The following RBFOX1 variants were observed in gnomAD, a reference collection of about 807,000 sequenced individuals.
The protein encoded by RBFOX1 is RNA binding protein fox-1 homolog 1.
A neutral mutation model predicts 57.7 loss-of-function variants in RBFOX1; 8 were observed. The ratio of observed to expected loss-of-function variants is 0.14; its 90% CI spans 0.08 to 0.25. RBFOX1 has a LOEUF of 0.25. Among genes scored for constraint, RBFOX1 ranks in the 10% least tolerant of loss-of-function variants. The pLI is 1.00. For synonymous variants in RBFOX1, 326 were observed against 222.4 expected (o/e 1.47, Z -4.15); for missense variants, 611 against 548.5 (o/e 1.11, Z -1.14).
In RBFOX1 at chr16:7,498,366, G is replaced by A. The variant is rs184627285; in HGVS notation, c.28-19781G>A. Among the ~76,000 whole-genome samples the A allele has an allele frequency of 2.6e-4, 40 of 152,126 alleles. 1 individual carries two copies. Among genetic ancestry groups the A allele is most frequent in the Non-Finnish European group, 1.5e-5 (1 of 68,008 alleles). ...TACATGGGTCTCACTCAGCCTCTATGACACCTGAACCAATGAGTATAGCTA... is the reference window on the plus strand; with the variant it reads ...TACATGGGTCTCACTCAGCCTCTATAACACCTGAACCAATGAGTATAGCTA... On this transcript the variant is annotated intron_variant, in intron 4 of 15. Transcript: ENST00000550418.
intron 3 of RBFOX1, among the ~76,000 whole-genome samples, chr16:6,825,025 C>A (rs181432570): frequency 1.5e-5 from 1 of 68,182 alleles, no homozygotes; most frequent in African/African-American, 4.2e-5. Context: ...GAGACGGCGT[C>A]TGGCTCTGTC....
chr16:7,589,383 A>G (rs2094314266), intron 7 of RBFOX1, among the ~76,000 whole-genome samples: 1 of 152,156 alleles, frequency 6.6e-6, no homozygotes, highest in East Asian at 1.9e-4. Context: ...TACAATGGTG[A>G]TACTGTTTTT....
intron 5 of RBFOX1, 96 bp from the exon 6 acceptor site, chr16:7,579,681 C>A (rs561412736): frequency 2.0e-6 from 3 of 1,480,244 alleles, no homozygotes; most frequent in Admixed American, 1.8e-5. Flanking sequence ...TTGCTTAGTT[C>A]TGATCTTTTC....
At chr16:6,058,910 G>A (rs560986750) in intron 1 of RBFOX1, among the ~76,000 whole-genome samples, 27 of 152,062 alleles carry the variant, frequency 1.8e-4, no homozygotes, top group Non-Finnish European at 2.2e-4. Context: ...AATTAAAACA[G>A]CACCATTTTG....
chr16:7,316,979 C>CACACACAA (rs906996706), intron 4 of RBFOX1, among the ~76,000 whole-genome samples: 4 of 151,296 alleles, frequency 2.6e-5, no homozygotes, highest in Non-Finnish European at 5.9e-5. Context: ...CACACACACA[C>CACACACAA]ACACACAAAC....
chr16:7,146,141 A>G (rs193198937), intron 4 of RBFOX1, among the ~76,000 whole-genome samples: 1 of 152,288 alleles, frequency 6.6e-6, no homozygotes, highest in African/African-American at 2.4e-5. Flanking sequence ...GGGATGAGCA[A>G]TGGCACAGTG....
chr16:7,227,282 C>G (rs1265460070), intron 4 of RBFOX1, among the ~76,000 whole-genome samples: 1 of 97,700 alleles, frequency 1.0e-5, no homozygotes, highest in Non-Finnish European at 2.7e-5. Flanking sequence ...CCACACACAC[C>G]CCACCCCACC....
intron 3 of RBFOX1, among the ~76,000 whole-genome samples, chr16:5,697,777 C>T (rs1372886242): frequency 3.3e-5 from 5 of 152,082 alleles, no homozygotes; most frequent in Non-Finnish European, 1.5e-5. Flanking sequence ...CATGATCTGC[C>T]TGCCTCAGCC....
At chr16:6,142,048 G>GA (rs34076868) in intron 1 of RBFOX1, among the ~76,000 whole-genome samples, 56,815 of 147,832 alleles carry the variant, frequency 0.38, 11,304 homozygotes, top group Non-Finnish European at 0.45. Flanking sequence ...GAGCTCAAAA[G>GA]AAAAAAAAAA....
intron 3 of RBFOX1, among the ~76,000 whole-genome samples, chr16:5,790,770 C>G (rs746521596): frequency 1.9e-4 from 29 of 152,078 alleles, no homozygotes; most frequent in Admixed American, 3.3e-4. Context: ...CTTCGTCTTC[C>G]TCATTTGGCC....
At chr16:6,123,747 A>G (rs973941464) in intron 1 of RBFOX1, among the ~76,000 whole-genome samples, 1 of 152,098 alleles carries the variant, frequency 6.6e-6, no homozygotes, top group African/African-American at 2.4e-5. Flanking sequence ...TTTACAAAAT[A>G]TACAAAAATT....
intron 1 of RBFOX1, among the ~76,000 whole-genome samples, chr16:6,091,321 G>A (rs533858997): frequency 4.3e-4 from 65 of 152,132 alleles, no homozygotes; most frequent in Admixed American, 3.5e-3. Context: ...AAGCTATTTC[G>A]TCAGAAGAAG....
At chr16:6,906,535 C>G (rs1184477539) in intron 3 of RBFOX1, among the ~76,000 whole-genome samples, 2 of 151,892 alleles carry the variant, frequency 1.3e-5, no homozygotes, top group South Asian at 2.1e-4. Context: ...TCTCTAGAAA[C>G]TTTTCTTTAT....
intron 3 of RBFOX1, among the ~76,000 whole-genome samples, chr16:5,805,316 C>G (rs913687514): frequency 6.6e-6 from 1 of 152,156 alleles, no homozygotes; most frequent in African/African-American, 2.4e-5. Context: ...GATTTACCAA[C>G]TCGTGTGTCA....
chr16:5,452,582 G>A (rs1041181330), intron 1 of RBFOX1, among the ~76,000 whole-genome samples: 2 of 151,600 alleles, frequency 1.3e-5, no homozygotes, highest in Non-Finnish European at 2.9e-5. Flanking sequence ...CACCTGCCCT[G>A]CCTTACCTGT....
At chr16:5,465,376 C>T (rs949507737) in intron 1 of RBFOX1, among the ~76,000 whole-genome samples, 3 of 152,144 alleles carry the variant, frequency 2.0e-5, no homozygotes, top group Non-Finnish European at 2.9e-5. Flanking sequence ...AATTTAATCA[C>T]CTCTTTAAAG....
At chr16:6,271,991 G>C (rs2075269679) in intron 1 of RBFOX1, among the ~76,000 whole-genome samples, 1 of 151,938 alleles carries the variant, frequency 6.6e-6, no homozygotes, top group South Asian at 2.1e-4. Context: ...ACAAAGCCAG[G>C]AGAAAAAAGA....
intron 2 of RBFOX1, among the ~76,000 whole-genome samples, chr16:6,601,751 AG>A (rs145129082): frequency 0.017 from 2,534 of 152,310 alleles, 36 homozygotes; most frequent in Admixed American, 0.032. Context: ...AGAGCAAGGA[AG>A]GAGAAAAGAT....
At chr16:6,718,884 A>G (rs545786945) in intron 3 of RBFOX1, among the ~76,000 whole-genome samples, 2 of 151,900 alleles carry the variant, frequency 1.3e-5, no homozygotes, top group African/African-American at 4.8e-5. Context: ...GTTTTTTGAG[A>G]CAGAGTCTTG....
Sources: allele counts gnomAD v4.1 joint callset (sites outside exome capture counted in the v4.1 genomes callset), GRCh38; gene constraint gnomAD v4.1.1; transcripts MANE v1.5; gene names NCBI Gene and HGNC (gene_info 2026-07-23, HGNC 2026-07-21).